Variants in ZNF382 observed in about 807,000 individuals in gnomAD.
ZNF382 encodes the protein KRAB/zinc finger suppressor protein 1.
In ZNF382, 20 loss-of-function variants were observed where a neutral mutation model predicts 38.8. That is an observed-to-expected ratio of 0.51 (90% confidence interval 0.36 to 0.75). The LOEUF is 0.75. ZNF382 is among the 30% of genes least tolerant of loss of function. The pLI, the probability that ZNF382 is intolerant of heterozygous loss-of-function variation, is 0.00. For missense variants in ZNF382, 546 were observed against 654.1 expected (o/e 0.83, Z 1.80); for synonymous variants, 202 against 223.1 (o/e 0.91, Z 0.84).
chr19:36,609,070 G>T (rs1054392537), intron 2 of ZNF382: 2 of 152,102 alleles, frequency 1.3e-5, no homozygotes, highest in African/African-American at 2.4e-5. Context: ...ATCACATAAC[G>T]TGTGTCAACT....
intron 4 of ZNF382, among the ~76,000 whole-genome samples, chr19:36,611,830 T>A (rs1348860170): frequency 6.6e-6 from 1 of 152,198 alleles, no homozygotes; most frequent in Non-Finnish European, 1.5e-5. Context: ...GTATCCATCC[T>A]ATTAGTGATC....
chr19:36,609,986 A>G lies in ZNF382; in HGVS notation c.72A>G (p.Leu24=), dbSNP rs775331469. ...VDFTQEEWQQ[L]DPAQKALYRD... ...TCACCCAGGAGGAGTGGCAGCAACT[A>G]GACCCTGCTCAGAAGGCGCTTTACA... The change falls in exon 3 of 5, where the codon CTA becomes CTG. Residue 24 remains leucine, a synonymous_variant. Transcript: ENST00000292928. The G allele has an allele frequency of 9.3e-6, 15 of 1,613,866 alleles. No homozygotes were observed. In the African/African-American group the frequency reaches 2.0e-4, roughly 22 times the overall value.
At chr19:36,617,867 C>T (rs768732333) in intron 4 of ZNF382, among the ~76,000 whole-genome samples, 4 of 152,110 alleles carry the variant, frequency 2.6e-5, no homozygotes, top group Admixed American at 6.5e-5. Flanking sequence ...ACAGAATTCT[C>T]GCTAAAACTG....
intron 4 of ZNF382, among the ~76,000 whole-genome samples, chr19:36,619,823 C>G (rs942339735): frequency 2.0e-5 from 3 of 151,916 alleles, no homozygotes; most frequent in Non-Finnish European, 4.4e-5. Context: ...CTCCGCCTCC[C>G]GAGTTCACAC....
rs1397611095 is a variant in ZNF382 at position 36,633,129 on chromosome 19, C to T, written c.*5579C>T. On this transcript the variant is annotated 3_prime_UTR_variant, in exon 5 of 5. Transcript: ENST00000292928. ...TCTTGGCTCACTGTAAGCTCCGCCT[C>T]CTGGGTTCACACCATTGTCCTGCCT... 6.6e-6 allele frequency: 1 copy of T among 151,936 alleles called. No homozygotes were observed. The highest frequency in any genetic ancestry group is 1.5e-5 in the Non-Finnish European group (1 of 68,046). The allele number at this position is 151,936 out of a possible 1,614,324, so 9.4% of individuals were successfully genotyped here. A position where few individuals can be genotyped will look rare whatever the true frequency, so the allele number is the denominator to read the frequency against.
At chr19:36,615,149 C>A (rs956563475) in intron 4 of ZNF382, among the ~76,000 whole-genome samples, 14 of 151,682 alleles carry the variant, frequency 9.2e-5, no homozygotes, top group Non-Finnish European at 1.9e-4. Context: ...CCATGCCCAG[C>A]TAATTTTTGT....
intron 4 of ZNF382, among the ~76,000 whole-genome samples, chr19:36,614,169 G>A (rs1429607031): frequency 1.3e-5 from 2 of 151,868 alleles, no homozygotes; most frequent in Non-Finnish European, 2.9e-5. Context: ...GTGAAACTCC[G>A]TCTCTACTAA....
In ZNF382 at chr19:36,610,392, G is replaced by A. The variant is rs1600387408; in HGVS notation, c.140-258G>A. On this transcript the variant is annotated intron_variant, in intron 3 of 4. Coordinates refer to ENST00000292928, the MANE Select transcript of ZNF382 (RefSeq NM_032825.5). ...GAACCACTTGAACCTGGGAGACGAG[G>A]TTGCAGTGAGTTGAGATTGCACCAC... is the stretch of plus-strand genomic sequence containing the variant. The A allele has an allele frequency of 7.8e-6, 3 of 386,522 alleles. No individual in the cohort carries two copies. The East Asian group carries it at 1.7e-4, about 22-fold the overall frequency. The allele number at this position is 386,522 out of a possible 1,614,324, so 23.9% of individuals were successfully genotyped here. A position where few individuals can be genotyped will look rare whatever the true frequency, so the allele number is the denominator to read the frequency against.
At position 36,626,954 on chromosome 19, in the gene ZNF382, A is replaced by G. The variant is rs1243429830; in HGVS notation, c.1057A>G (p.Ile353Val). 3 of 1,614,084 alleles carry G rather than the reference A, an allele frequency of 1.9e-6. No individual in the cohort carries two copies. The highest frequency in any genetic ancestry group is 2.5e-6 in the Non-Finnish European group (3 of 1,180,032). ...AACACATATAGAGGGGAAACCCTTTATTTGTATCGATTGTGGGAAGTCCTT... is the reference window on the plus strand; with the variant it reads ...AACACATATAGAGGGGAAACCCTTTGTTTGTATCGATTGTGGGAAGTCCTT... ...EKTHIEGKPFICIDCGKSFRQ... is the reference protein window; with the variant it reads ...EKTHIEGKPFVCIDCGKSFRQ... The change falls in exon 5 of 5, where the codon ATT becomes GTT. Residue 353 changes from isoleucine (I) to valine (V), a missense_variant. By Grantham distance (29) the Ile-to-Val change is conservative (BLOSUM62 3). Coordinates refer to ENST00000292928, the MANE Select transcript of ZNF382 (RefSeq NM_032825.5).
At chr19:36,622,272 C>T (rs189043046) in intron 4 of ZNF382, among the ~76,000 whole-genome samples, 4 of 152,178 alleles carry the variant, frequency 2.6e-5, no homozygotes, top group Non-Finnish European at 4.4e-5. Flanking sequence ...CCACCCACCT[C>T]GGCCTCCCAA....
In ZNF382 at chr19:36,627,823, A is replaced by C; in HGVS notation, c.*273A>C. ...CTGTCAAGGTGTTATAAACATTTAA[A>C]ATCACATTTTCCATTTCCATACATA... On this transcript the variant is annotated 3_prime_UTR_variant, in exon 5 of 5. Coordinates refer to ENST00000292928, the MANE Select transcript of ZNF382 (RefSeq NM_032825.5). 3.0e-6 allele frequency: 1 copy of C among 337,844 alleles called. No individual in the cohort carries two copies. Among genetic ancestry groups the C allele is most frequent in the Non-Finnish European group, 5.4e-6 (1 of 183,596 alleles). 20.9% of individuals were successfully genotyped at this position (337,844 alleles called of 1,614,324 possible).
At chr19:36,618,313 C>T (rs1264532776) in intron 4 of ZNF382, among the ~76,000 whole-genome samples, 1 of 152,222 alleles carries the variant, frequency 6.6e-6, no homozygotes. Context: ...AGCCACTGAA[C>T]TCTTTGCTCA....
chr19:36,621,619 A>C (rs947478358), intron 4 of ZNF382, among the ~76,000 whole-genome samples: 56 of 148,046 alleles, frequency 3.8e-4, no homozygotes, highest in African/African-American at 1.3e-3. Context: ...CACACACACA[A>C]AATACAAATA....
Position 36,628,458 on chromosome 19 carries a change from C to A in ZNF382, c.*908C>A. 1 of 153,150 alleles carries A rather than the reference C, an allele frequency of 6.5e-6. No individual in the cohort carries two copies. The allele number at this position is 153,150 out of a possible 1,614,324, so 9.5% of individuals were successfully genotyped here. A position where few individuals can be genotyped will look rare whatever the true frequency, so the allele number is the denominator to read the frequency against. On this transcript the variant is annotated 3_prime_UTR_variant, in exon 5 of 5. Transcript: ENST00000292928. ...TTATCAATATGGTGCTGGTTCAAAC[C>A]AGAGAATTCATGCTGCAGGGAAACT...
intron 4 of ZNF382, among the ~76,000 whole-genome samples, chr19:36,621,157 CT>C (rs2037166262): frequency 6.6e-6 from 1 of 152,062 alleles, no homozygotes; most frequent in African/African-American, 2.4e-5. Flanking sequence ...CTCTGTTATA[CT>C]TTCTTAATGA....
In ZNF382 at chr19:36,626,763, CT is replaced by C. The variant is rs775891356; in HGVS notation, c.867del (p.Gln290LysfsTer58). 6.2e-7 allele frequency: 1 copy of C among 1,614,142 alleles called. No homozygotes were observed. The highest frequency in any genetic ancestry group is 8.5e-7 in the Non-Finnish European group (1 of 1,180,046). On this transcript the variant is annotated frameshift_variant, in exon 5 of 5. Coordinates refer to ENST00000292928, the MANE Select transcript of ZNF382 (RefSeq NM_032825.5). LOFTEE classifies it high-confidence loss of function. ...RKPVFIMPQR[P>X]QTEEKPFHCP... ...CCTGTTTTTATTATGCCTCAGAGAC[CT>C]CAAACAGAAGAGAAACCCTTTCACT...
At chr19:36,617,813 G>A (rs2037137336) in intron 4 of ZNF382, among the ~76,000 whole-genome samples, 1 of 152,098 alleles carries the variant, frequency 6.6e-6, no homozygotes, top group Non-Finnish European at 1.5e-5. Context: ...GGTGAGGAGA[G>A]ATATCAGATA....
intron 1 of ZNF382, chr19:36,605,663 G>T (rs1328405885): frequency 6.6e-6 from 1 of 152,104 alleles, no homozygotes; most frequent in African/African-American, 2.4e-5. Flanking sequence ...AGCGGGCGCT[G>T]TGTGTTCGCG....
intron 2 of ZNF382, 56 bp from the exon 3 acceptor site, chr19:36,609,846 C>T: frequency 6.8e-7 from 1 of 1,471,834 alleles, no homozygotes; most frequent in Non-Finnish European, 9.1e-7. Flanking sequence ...GACCAGTAAA[C>T]ATTGTCAGTA....
Sources: gnomAD v4.1 joint callset for allele counts (sites outside exome capture counted in the v4.1 genomes callset) on GRCh38, gnomAD v4.1.1 for gene constraint, MANE v1.5 for transcripts, NCBI Gene and HGNC (gene_info 2026-07-23, HGNC 2026-07-21) for gene names.